CDCA2: variants seen among roughly 807,000 people sequenced by gnomAD.
CDCA2 encodes cell division cycle associated 2.
A neutral mutation model predicts 67.0 loss-of-function variants in CDCA2; 44 were observed. The ratio of observed to expected loss-of-function variants is 0.66; its 90% CI spans 0.52 to 0.84. CDCA2 has a LOEUF of 0.84. CDCA2 is among the 40% of genes least tolerant of loss of function. CDCA2 has a pLI of 0.00. For synonymous variants in CDCA2, 447 were observed against 418.7 expected, an observed-to-expected ratio of 1.07 and a Z score of -0.82; for missense variants, 1,253 against 1,203.2, an observed-to-expected ratio of 1.04 and a Z score of -0.61.
At chr8:25,470,453 C>T (rs1803107298) in intron 7 of CDCA2, among the ~76,000 whole-genome samples, 1 of 152,126 alleles carries the variant, frequency 6.6e-6, no homozygotes, top group Non-Finnish European at 1.5e-5. Context: ...TTTATTAATC[C>T]ATTCTGATAA....
intron 3 of CDCA2, among the ~76,000 whole-genome samples, chr8:25,461,175 G>A (rs1052659247): frequency 2.0e-5 from 3 of 151,038 alleles, no homozygotes; most frequent in African/African-American, 4.9e-5. Flanking sequence ...TTTGAGGCAG[G>A]AGAATCGCTT....
chr8:25,488,944 G>A (rs1405910714), intron 13 of CDCA2, among the ~76,000 whole-genome samples: 1 of 152,086 alleles, frequency 6.6e-6, no homozygotes, highest in Non-Finnish European at 1.5e-5. Context: ...ACTCAAACCT[G>A]AAATTCTCAT....
intron 7 of CDCA2, among the ~76,000 whole-genome samples, chr8:25,476,172 A>G (rs1473099350): frequency 1.3e-5 from 2 of 152,200 alleles, no homozygotes; most frequent in African/African-American, 4.8e-5. Flanking sequence ...GCCTGCAGAT[A>G]GTTGCTCATT....
chr8:25,479,889 C>T, intron 7 of CDCA2, 24 bp from the exon 8 acceptor site: 1 of 1,607,794 alleles, frequency 6.2e-7, no homozygotes, highest in Non-Finnish European at 8.5e-7. Flanking sequence ...TTCTGCCTCT[C>T]AAGTTTACAT....
intron 4 of CDCA2, among the ~76,000 whole-genome samples, chr8:25,462,704 A>G (rs984299025): frequency 1.4e-5 from 2 of 142,656 alleles, no homozygotes; most frequent in African/African-American, 5.1e-5. Flanking sequence ...TTTTAGAGAC[A>G]GGATCTCAGT....
At position 25,506,908 on chromosome 8, in the gene CDCA2, A is replaced by G. The variant is rs769906720; in HGVS notation, c.2242A>G (p.Asn748Asp). The change falls in exon 15 of 15, where the codon AAC (asparagine) becomes GAC (aspartate). Residue 748 changes from asparagine to aspartate, a missense_variant. Transcript: ENST00000330560. ...EFSAGGQNAE[N>D]LCQFFKISPD... is the part of the protein sequence containing the mutation. ...TTCTGCTGGTGGTCAAAATGCAGAA[A>G]ACCTTTGTCAGTTCTTTAAAATTTC... 6.2e-7 allele frequency: 1 copy of G among 1,612,186 alleles called. No homozygotes were observed. Among genetic ancestry groups the G allele is most frequent in the Non-Finnish European group, 8.5e-7 (1 of 1,179,130 alleles).
rs751962271 is a variant in CDCA2, at chr8:25,507,642, C to G, written c.2976C>G (p.Phe992Leu). ...CAAATACTAAAGCCACTTCCCAGTT[C>G]AAAGGCTACCGGAGAAGATCCTCTC... ...TLANTKATSQ[F>L]KGYRRRSSLN... Residue 992 changes from phenylalanine to leucine, a missense_variant, in exon 15 of 15, where the codon TTC becomes TTG. Transcript: ENST00000330560. 2.2e-5 allele frequency: 36 copies of G among 1,614,202 alleles called. No individual in the cohort carries two copies. Among genetic ancestry groups the G allele is most frequent in the Non-Finnish European group, 3.0e-5 (35 of 1,180,028 alleles).
At chr8:25,488,834 T>A in intron 13 of CDCA2, 145 bp downstream of exon 13, 6 of 567,554 alleles carry the variant, frequency 1.1e-5, no homozygotes, top group Non-Finnish European at 1.6e-5. Flanking sequence ...TAGAATGGGG[T>A]GGGGGGGTTA....
chr8:25,488,838 G>A lies in CDCA2; in HGVS notation c.1671+149G>A, dbSNP rs73550843. ...TTACCGTGGAGTAGAATGGGGTGGG[G>A]GGGTTATGTACTTAACTCTGAATTG... On this transcript the variant is annotated intron_variant, in intron 13 of 14. Transcript: ENST00000330560. The A allele has an allele frequency of 2.9e-3, 1,946 of 671,984 alleles. 32 individuals are homozygous for A. The African/African-American group carries it at 0.032, about 11-fold the overall frequency. 41.6% of individuals were successfully genotyped at this position (671,984 alleles called of 1,614,324 possible). A position where few individuals can be genotyped will look rare whatever the true frequency, so the allele number is the denominator to read the frequency against.
intron 13 of CDCA2, among the ~76,000 whole-genome samples, chr8:25,489,815 A>C (rs1366777386): frequency 6.6e-6 from 1 of 152,174 alleles, no homozygotes; most frequent in Non-Finnish European, 1.5e-5. Flanking sequence ...GGGTAATTTC[A>C]TACACAGCAT....
intron 13 of CDCA2, among the ~76,000 whole-genome samples, chr8:25,502,449 T>G (rs1804517276): frequency 6.6e-6 from 1 of 152,054 alleles, no homozygotes; most frequent in African/African-American, 2.4e-5. Context: ...TTAATTTTTA[T>G]GGAAACCTAC....
intron 7 of CDCA2, among the ~76,000 whole-genome samples, chr8:25,472,420 T>C (rs1290852467): frequency 6.6e-6 from 1 of 151,758 alleles, no homozygotes; most frequent in African/African-American, 2.4e-5. Flanking sequence ...CCTGGCTGAT[T>C]TTTGTATTTT....
At chr8:25,467,066 ACAC>A (rs372200864) in intron 5 of CDCA2, among the ~76,000 whole-genome samples, 9,834 of 100,804 alleles carry the variant, frequency 0.098, 1,249 homozygotes, top group African/African-American at 0.17. Context: ...AAAAAAAAAA[ACAC>A]ACACACACAC....
intron 13 of CDCA2, among the ~76,000 whole-genome samples, chr8:25,497,330 T>A (rs1239136780): frequency 1.3e-5 from 2 of 151,762 alleles, no homozygotes; most frequent in African/African-American, 4.8e-5. Flanking sequence ...AACAGGTGAA[T>A]GGATAAAGAA....
intron 13 of CDCA2, among the ~76,000 whole-genome samples, chr8:25,489,638 A>G (rs1033314630): frequency 2.0e-5 from 3 of 152,318 alleles, no homozygotes; most frequent in East Asian, 3.9e-4. Flanking sequence ...CATTTTTAAT[A>G]CTAAAGCCAG....
chr8:25,460,222 T>G lies in CDCA2; in HGVS notation c.1-18T>G. ...TTGCTGGTGGGGTTATTTTTCATTGTTTTTCTTCACCTCTTAGATGGATGC... is the reference window on the plus strand; with the variant it reads ...TTGCTGGTGGGGTTATTTTTCATTGGTTTTCTTCACCTCTTAGATGGATGC... On this transcript the variant is annotated intron_variant, in intron 1 of 14. Transcript: ENST00000330560. 6.2e-7 allele frequency: 1 copy of G among 1,613,846 alleles called. No homozygotes were observed. The highest frequency in any genetic ancestry group is 8.5e-7 in the Non-Finnish European group (1 of 1,179,722).
intron 9 of CDCA2, 69 bp downstream of exon 9, chr8:25,483,555 T>G: frequency 8.8e-7 from 1 of 1,132,494 alleles, no homozygotes. Flanking sequence ...TAGTATAATA[T>G]ATGAAATTTT....
At chr8:25,479,835 C>T (rs1267093381) in intron 7 of CDCA2, 78 bp from the exon 8 acceptor site, 3 of 1,330,920 alleles carry the variant, frequency 2.3e-6, no homozygotes, top group Non-Finnish European at 3.2e-6. Flanking sequence ...ATTATCTTTG[C>T]AAATACTATA....
intron 13 of CDCA2, among the ~76,000 whole-genome samples, chr8:25,491,981 A>G (rs1804023543): frequency 6.7e-6 from 1 of 150,204 alleles, no homozygotes; most frequent in African/African-American, 2.5e-5. Context: ...TATTTTTAGT[A>G]AAGACGGGGT....
Sources: allele counts gnomAD v4.1 joint callset (sites outside exome capture counted in the v4.1 genomes callset), GRCh38; gene constraint gnomAD v4.1.1; transcripts MANE v1.5; gene names NCBI Gene and HGNC (gene_info 2026-07-23, HGNC 2026-07-21).